TNXB: variants seen among roughly 807,000 people sequenced by gnomAD.
TNXB encodes tenascin-X.
In TNXB, 183 loss-of-function variants were observed where a neutral mutation model predicts 340.5. The ratio of observed to expected loss-of-function variants is 0.54; its 90% CI spans 0.48 to 0.61. TNXB has a LOEUF of 0.61. Among genes scored for constraint, TNXB ranks in the 20% least tolerant of loss-of-function variants. The pLI, the probability that TNXB is intolerant of heterozygous loss-of-function variation, is 0.00. For synonymous variants in TNXB, 2,121 were observed against 2,314.5 expected (o/e 0.92, Z 2.40); for missense variants, 4,613 against 5,446.4 (o/e 0.85, Z 4.82).
chr6:32,063,380 AGT>A (rs1208924159), intron 19 of TNXB, among the ~76,000 whole-genome samples: 1 of 151,550 alleles, frequency 6.6e-6, no homozygotes, highest in Non-Finnish European at 1.5e-5. Context: ...TGGGTGACAG[AGT>A]GAGACTCCAT....
chr6:32,070,621 T>C lies in TNXB; in HGVS notation c.4991-207A>G, dbSNP rs1778717531. On this transcript the variant is annotated intron_variant, in intron 13 of 43. Coordinates refer to ENST00000644971, the MANE Select transcript of TNXB (RefSeq NM_001365276.2). This position sits in a 1 kb window ranked among gnomAD's most constrained non-coding sequence, Gnocchi z 6.0. ...GGAGGGTCACCTGTCCTGAGTCACC[T>C]CCAGGAAAAGAGATTCCCTAGCTCC... 6.6e-6 allele frequency among the ~76,000 whole-genome samples: 1 copy of C among 152,048 alleles called. No homozygotes were observed. Among genetic ancestry groups the C allele is most frequent in the Non-Finnish European group, 1.5e-5 (1 of 67,988 alleles).
chr6:32,065,015 A>G lies in TNXB; in HGVS notation c.6647T>C (p.Val2216Ala), dbSNP rs1380927789. Residue 2216 changes from valine to alanine, a missense_variant, in exon 19 of 44, where the codon GTC becomes GCC. This residue lies in a region of TNXB where 4,327 missense variants were observed against 4,859.4 expected (regional missense o/e 0.89). Coordinates refer to ENST00000644971, the MANE Select transcript of TNXB (RefSeq NM_001365276.2). Reference protein sequence around the residue: ...TSDSLSLSWTVPEGQFDHFLV... With the variant: ...TSDSLSLSWTAPEGQFDHFLV... ...GAAATGGTCAAACTGGCCCTCGGGG[A>G]CTGTCCAGGAGAGGCTGAGGGAGTC... 5 of 1,611,154 alleles carry G rather than the reference A, an allele frequency of 3.1e-6. No individual in the cohort carries two copies. Among genetic ancestry groups the G allele is most frequent in the Non-Finnish European group, 4.2e-6 (5 of 1,179,096 alleles).
At position 32,058,302 on chromosome 6, in the gene TNXB, C is replaced by T; in HGVS notation, c.7581G>A (p.Glu2527=). ...PGPPEEPLLG[E]LTVTGSSPDS... is the part of the protein sequence containing the mutation. ...CAGGGGAGGATCCTGTCACTGTCAG[C>T]TCCCCCAGGAGAGGCTCCTCGGGGG... Residue 2527 remains glutamate, a synonymous_variant, in exon 22 of 44, where the codon GAG becomes GAA. Coordinates refer to ENST00000644971, the MANE Select transcript of TNXB (RefSeq NM_001365276.2). The surrounding 1 kb of genome is among the most constrained non-coding windows in gnomAD (Gnocchi z 5.1). The T allele has an allele frequency of 1.2e-6, 2 of 1,611,950 alleles. No homozygotes were observed. The highest frequency in any genetic ancestry group is 1.1e-5 in the South Asian group (1 of 91,060).
intron 19 of TNXB, among the ~76,000 whole-genome samples, chr6:32,063,862 T>C (rs1283639272): frequency 6.6e-6 from 1 of 152,170 alleles, no homozygotes; most frequent in Non-Finnish European, 1.5e-5. Flanking sequence ...TACAGGGTAA[T>C]GAAAGGAAAA....
In TNXB at chr6:32,079,254, G is replaced by T; in HGVS notation, c.4154C>A (p.Pro1385His). ...GGTCCAGAAGAGGCTCAGCGAATCA[G>T]GGGAGGATCCTGTCACTGTCAGCTC... ...LGELTVTGSS[P>H]DSLSLFWTVP... Residue 1385 changes from proline to histidine, a missense_variant, in exon 11 of 44, where the codon CCT (proline) becomes CAT (histidine). Coordinates refer to ENST00000644971, the MANE Select transcript of TNXB (RefSeq NM_001365276.2). The surrounding 1 kb of genome is among the most constrained non-coding windows in gnomAD (Gnocchi z 7.1). The T allele has an allele frequency of 6.2e-7, 1 of 1,613,656 alleles. No individual in the cohort carries two copies. The highest frequency in any genetic ancestry group is 8.5e-7 in the Non-Finnish European group (1 of 1,179,872).
Position 32,073,757 on chromosome 6 carries a change from T to G in TNXB, c.4571A>C (p.Gln1524Pro). 1 of 1,612,714 alleles carries G rather than the reference T, an allele frequency of 6.2e-7. No individual in the cohort carries two copies. The highest frequency in any genetic ancestry group is 8.5e-7 in the Non-Finnish European group (1 of 1,179,592). ...CAGGTTGTAGACTGTGACCTCTCGC[T>G]GGTCTGCCGCCACCGGCACCACCTG... ...QPQVVPVAADQREVTVYNLEP... is the reference protein window; with the variant it reads ...QPQVVPVAADPREVTVYNLEP... Residue 1524 changes from glutamine (Q) to proline (P), a missense_variant, in exon 12 of 44, where the codon CAG becomes CCG. Physicochemically the swap from Gln to Pro is moderately conservative, Grantham distance 76. Coordinates refer to ENST00000644971, the MANE Select transcript of TNXB (RefSeq NM_001365276.2). This position sits in a 1 kb window ranked among gnomAD's most constrained non-coding sequence, Gnocchi z 4.6.
At chr6:32,099,764 C>T (rs1274721316) in intron 1 of TNXB, among the ~76,000 whole-genome samples, 1 of 150,900 alleles carries the variant, frequency 6.6e-6, no homozygotes, top group Non-Finnish European at 1.5e-5. Flanking sequence ...TCAGGACTTA[C>T]ATGATCAAAT....
Position 32,088,881 on chromosome 6 carries a change from G to T in TNXB, c.2683C>A (p.Leu895Met). Reference protein sequence around the residue: ...EVPPEADGTLLTDLMPGVEYV... With the variant: ...EVPPEADGTLMTDLMPGVEYV... ...TCTACGCCTGGCATCAGGTCAGTCA[G>T]CAGCGTCCCGTCTGCTTCAGGGGGC... The change falls in exon 6 of 44, where the codon CTG becomes ATG. Residue 895 changes from leucine to methionine, a missense_variant. By Grantham distance (15) the Leu-to-Met change is conservative. Coordinates refer to ENST00000644971, the MANE Select transcript of TNXB (RefSeq NM_001365276.2). The T allele has an allele frequency of 6.3e-7, 1 of 1,587,026 alleles. No homozygotes were observed. Among genetic ancestry groups the T allele is most frequent in the South Asian group, 1.1e-5 (1 of 87,198 alleles).
At position 32,080,882 on chromosome 6, in the gene TNXB, C is replaced by T. The variant is rs543103473; in HGVS notation, c.4042+486G>A. 5.9e-5 allele frequency among the ~76,000 whole-genome samples: 9 copies of T among 152,238 alleles called. No homozygotes were observed. Among genetic ancestry groups the T allele is most frequent in the African/African-American group, 1.9e-4 (8 of 41,536 alleles). On this transcript the variant is annotated intron_variant, in intron 10 of 43. Transcript: ENST00000644971. The surrounding 1 kb of genome is among the most constrained non-coding windows in gnomAD (Gnocchi z 4.3). ...GGAGCTGAGAGGAGTCCTCTTCATGCTGCAAAAAGGCTAGAGAAACGTGGT... is the reference window on the plus strand; with the variant it reads ...GGAGCTGAGAGGAGTCCTCTTCATGTTGCAAAAAGGCTAGAGAAACGTGGT...
chr6:32,053,856 G>T lies in TNXB; in HGVS notation c.8468-145C>A, dbSNP rs1777461554. 3 of 1,009,218 alleles carry T rather than the reference G, an allele frequency of 3.0e-6. No individual in the cohort carries two copies. In the African/African-American group the frequency reaches 4.9e-5, roughly 16 times the overall value. 62.5% of individuals were successfully genotyped at this position (1,009,218 alleles called of 1,614,324 possible). A position where few individuals can be genotyped will look rare whatever the true frequency, so the allele number is the denominator to read the frequency against. ...ACAGCTCTTCATCCTCTCCTCTCCT[G>T]CGGCCTTTCCTATCCCTCACCCTGA... On this transcript the variant is annotated intron_variant, in intron 24 of 43. Transcript: ENST00000644971.
At chr6:32,088,717 G>A in intron 6 of TNXB, 68 bp downstream of exon 6, 1 of 1,520,732 alleles carries the variant, frequency 6.6e-7, no homozygotes, top group Non-Finnish European at 8.9e-7. Context: ...CCCTGAGCCT[G>A]GGCTCCTGAG....
chr6:32,041,568 A>C, intron 43 of TNXB, 118 bp from the exon 44 acceptor site: 4 of 1,055,228 alleles, frequency 3.8e-6, no homozygotes, highest in Non-Finnish European at 5.7e-6. Flanking sequence ...TCCCTTCCTG[A>C]CCCTCCGCTG....
chr6:32,088,695 G>T, intron 6 of TNXB, 90 bp downstream of exon 6: 1 of 1,491,966 alleles, frequency 6.7e-7, no homozygotes, highest in Non-Finnish European at 9.0e-7. Context: ...AGCATTCAGA[G>T]GAGTCTGTGA....
chr6:32,106,274 G>A (rs1287043273), intron 1 of TNXB, among the ~76,000 whole-genome samples: 1 of 151,976 alleles, frequency 6.6e-6, no homozygotes, highest in Non-Finnish European at 1.5e-5. Context: ...AGGTGGTAGG[G>A]GGGTCCCAGG....
Position 32,064,896 on chromosome 6 carries a change from G to A in TNXB, c.6766C>T (p.His2256Tyr). The stretch of plus-strand genomic sequence containing the variant: ...CCGTACAGGTTCATCTTGTACTTGT[G>A]GTCTGGCTCCAGGCCCGAGATGGTG... ...GVTISGLEPDHKYKMNLYGFH... is the reference protein window; with the variant it reads ...GVTISGLEPDYKYKMNLYGFH... Residue 2256 changes from histidine to tyrosine, a missense_variant, in exon 19 of 44, where the codon CAC (histidine) becomes TAC (tyrosine). His to Tyr is a moderately conservative substitution (Grantham distance 83). This residue lies in a region of TNXB where 4,327 missense variants were observed against 4,859.4 expected (regional missense o/e 0.89). Coordinates refer to ENST00000644971, the MANE Select transcript of TNXB (RefSeq NM_001365276.2). This position sits in a 1 kb window ranked among gnomAD's most constrained non-coding sequence, Gnocchi z 5.3. 1 of 1,612,726 alleles carries A rather than the reference G, an allele frequency of 6.2e-7. No homozygotes were observed. Among genetic ancestry groups the A allele is most frequent in the Non-Finnish European group, 8.5e-7 (1 of 1,179,872 alleles).
Position 32,069,621 on chromosome 6 carries a change from T to C in TNXB, c.5519A>G (p.Tyr1840Cys), listed in dbSNP as rs758564608. Reference sequence around the variant, plus strand: ...GTGCAGCCCGTAGAGCAGCAGCTTGTACCTGTGGGCAGGGTCCAGGCCCGG... The same window carrying C: ...GTGCAGCCCGTAGAGCAGCAGCTTGCACCTGTGGGCAGGGTCCAGGCCCGG... The part of the protein sequence containing the change: ...SVPGLDPAHR[Y>C]KLLLYGLHHG... The change falls in exon 15 of 44, where the codon TAC becomes TGC. Residue 1840 changes from tyrosine (Y) to cysteine (C), a missense_variant. Tyr to Cys is a radical substitution (Grantham distance 194). Transcript: ENST00000644971. This position sits in a 1 kb window ranked among gnomAD's most constrained non-coding sequence, Gnocchi z 6.2. The C allele has an allele frequency of 6.2e-7, 1 of 1,611,162 alleles. No homozygotes were observed. Among genetic ancestry groups the C allele is most frequent in the East Asian group, 2.2e-5 (1 of 44,820 alleles).
rs370672301 is a variant in TNXB, at chr6:32,069,887, C to T, written c.5279-26G>A. 4.7e-5 allele frequency: 73 copies of T among 1,559,780 alleles called. No homozygotes were observed. Among genetic ancestry groups the T allele is most frequent in the Non-Finnish European group, 5.8e-5 (67 of 1,150,492 alleles). ...CTGAGATGGAGACACGGAGAGGAAA[C>T]GGCTGAGCTGTTTCTGGAAGACTGG... On this transcript the variant is annotated intron_variant, in intron 14 of 43. Transcript: ENST00000644971. The surrounding 1 kb of genome is among the most constrained non-coding windows in gnomAD (Gnocchi z 6.2).
Position 32,079,380 on chromosome 6 carries a change from A to G in TNXB, c.4043-15T>C, listed in dbSNP as rs1176859921. ...CTCCTGAGGAGCTGAGAGAAGAGAT[A>G]GAGGCATAAAGGGCTGCTGGCTTTG... On this transcript the variant is annotated splice_polypyrimidine_tract_variant and intron_variant, in intron 10 of 43. Coordinates refer to ENST00000644971, the MANE Select transcript of TNXB (RefSeq NM_001365276.2). The surrounding 1 kb of genome is among the most constrained non-coding windows in gnomAD (Gnocchi z 7.1). 3 of 1,581,030 alleles carry G rather than the reference A, an allele frequency of 1.9e-6. No individual in the cohort carries two copies. Among genetic ancestry groups the G allele is most frequent in the African/African-American group, 1.4e-5 (1 of 73,870 alleles).
intron 38 of TNXB, 50 bp downstream of exon 38, chr6:32,042,901 C>T: frequency 5.0e-6 from 2 of 399,248 alleles, no homozygotes; most frequent in South Asian, 4.4e-5. Flanking sequence ...AGAGGCAGCA[C>T]CTCCTGGAAT....
Sources: allele counts gnomAD v4.1 joint callset (sites outside exome capture counted in the v4.1 genomes callset), GRCh38; gene constraint gnomAD v4.1.1; regional missense constraint gnomAD v4.1.1; non-coding constraint Gnocchi (gnomAD v3.1); transcripts MANE v1.5; gene names NCBI Gene and HGNC (gene_info 2026-07-23, HGNC 2026-07-21).